Variants in FBXL7 observed in about 807,000 individuals in gnomAD.
FBXL7 encodes F-box and leucine rich repeat protein 7, also known as F-box/LRR-repeat protein 7.
In FBXL7, 12 loss-of-function variants were observed where a neutral mutation model predicts 38.3. That is an observed-to-expected ratio of 0.31 (90% CI 0.20 to 0.51). The LOEUF (loss-of-function observed/expected upper bound fraction) is 0.51, where lower values mean the gene tolerates loss of function less well. FBXL7 is among the 20% of genes least tolerant of loss of function. FBXL7 has a pLI of 0.98. For missense variants in FBXL7, 567 were observed against 676.4 expected (o/e 0.84, Z 1.79); for synonymous variants, 297 against 300.9 (o/e 0.99, Z 0.13).
chr5:15,599,836 A>G (rs1044815714), intron 1 of FBXL7, among the ~76,000 whole-genome samples: 41 of 152,276 alleles, frequency 2.7e-4, no homozygotes, highest in Admixed American at 2.4e-3. Context: ...ATAAATTTGG[A>G]AAGGAGAGCT....
At chr5:15,920,402 A>C (rs1378984447) in intron 2 of FBXL7, among the ~76,000 whole-genome samples, 1 of 152,252 alleles carries the variant, frequency 6.6e-6, no homozygotes, top group Admixed American at 6.5e-5. Flanking sequence ...TCTGTAATGC[A>C]AAAATCTGCA....
At position 15,771,264 on chromosome 5, in the gene FBXL7, T is replaced by C. The variant is rs569590098; in HGVS notation, c.127+155192T>C. ...CTCACCATACATCTTATTGACACTTTCACTCTTCACTTCTCTGATAAATGT... is the reference window on the plus strand; with the variant it reads ...CTCACCATACATCTTATTGACACTTCCACTCTTCACTTCTCTGATAAATGT... On this transcript the variant is annotated intron_variant, in intron 2 of 3. Transcript: ENST00000504595. Among the ~76,000 whole-genome samples the C allele has an allele frequency of 2.0e-5, 3 of 152,316 alleles. No individual in the cohort carries two copies. The South Asian group carries it at 6.2e-4, about 32-fold the overall frequency.
chr5:15,594,893 C>T (rs1183157736), intron 1 of FBXL7, among the ~76,000 whole-genome samples: 1 of 152,210 alleles, frequency 6.6e-6, no homozygotes, highest in African/African-American at 2.4e-5. Context: ...GTTTAGCTGC[C>T]TTGCTATGAT....
At chr5:15,616,133 A>G in intron 2 of FBXL7, 61 bp downstream of exon 2, 1 of 1,215,198 alleles carries the variant, frequency 8.2e-7, no homozygotes, top group Non-Finnish European at 1.2e-6. Context: ...TTTTTGGAAC[A>G]GAAATAAAGT....
At chr5:15,920,541 G>A (rs991683059) in intron 2 of FBXL7, among the ~76,000 whole-genome samples, 2 of 151,494 alleles carry the variant, frequency 1.3e-5, no homozygotes, top group African/African-American at 4.9e-5. Context: ...TTTGTTTTGA[G>A]ACAGAGTCTC....
At chr5:15,528,423 C>T (rs1737313937) in intron 1 of FBXL7, among the ~76,000 whole-genome samples, 1 of 152,134 alleles carries the variant, frequency 6.6e-6, no homozygotes, top group African/African-American at 2.4e-5. Flanking sequence ...TAAAGACATA[C>T]TGGAGACTGG....
At chr5:15,612,421 C>G (rs945156132) in intron 1 of FBXL7, among the ~76,000 whole-genome samples, 1 of 152,176 alleles carries the variant, frequency 6.6e-6, no homozygotes, top group Non-Finnish European at 1.5e-5. Context: ...ACCTTATACT[C>G]TTTCTTCATA....
At chr5:15,683,650 C>T (rs779476904) in intron 2 of FBXL7, among the ~76,000 whole-genome samples, 1 of 152,192 alleles carries the variant, frequency 6.6e-6, no homozygotes, top group Non-Finnish European at 1.5e-5. Context: ...AGCAATGACA[C>T]GTAATGCTCC....
At chr5:15,774,461 A>G (rs1736809987) in intron 2 of FBXL7, among the ~76,000 whole-genome samples, 1 of 152,122 alleles carries the variant, frequency 6.6e-6, no homozygotes, top group Non-Finnish European at 1.5e-5. Flanking sequence ...TATGTTTTAG[A>G]TTGTACTGCC....
chr5:15,855,321 G>A (rs1480388244), intron 2 of FBXL7, among the ~76,000 whole-genome samples: 1 of 152,014 alleles, frequency 6.6e-6, no homozygotes, highest in Non-Finnish European at 1.5e-5. Context: ...TGATGCTGAG[G>A]TGCTTTTACC....
chr5:15,644,432 G>A (rs974836280), intron 2 of FBXL7, among the ~76,000 whole-genome samples: 9 of 151,954 alleles, frequency 5.9e-5, no homozygotes, highest in South Asian at 2.1e-4. Context: ...CCGAGATTGC[G>A]TCACTGCACT....
At chr5:15,565,885 CTACTT>C (rs1407730120) in intron 1 of FBXL7, among the ~76,000 whole-genome samples, 6 of 152,264 alleles carry the variant, frequency 3.9e-5, no homozygotes, top group Middle Eastern at 3.4e-3. Flanking sequence ...GGAGGACAAT[CTACTT>C]TACTCAGTCT....
At chr5:15,716,073 T>C (rs1310844486) in intron 2 of FBXL7, among the ~76,000 whole-genome samples, 1 of 152,246 alleles carries the variant, frequency 6.6e-6, no homozygotes, top group Non-Finnish European at 1.5e-5. Flanking sequence ...TAAGAGTATG[T>C]ACTTCTCATA....
intron 1 of FBXL7, among the ~76,000 whole-genome samples, chr5:15,522,933 T>A (rs1737141584): frequency 6.6e-6 from 1 of 152,242 alleles, no homozygotes; most frequent in South Asian, 2.1e-4. Context: ...TAATTTTAGA[T>A]GTTTCAGACA....
At chr5:15,734,432 A>ATC (rs1437531683) in intron 2 of FBXL7, among the ~76,000 whole-genome samples, 1 of 152,208 alleles carries the variant, frequency 6.6e-6, no homozygotes, top group Non-Finnish European at 1.5e-5. Flanking sequence ...AATTTCTCTG[A>ATC]TCTGTGCCCT....
chr5:15,519,779 A>G (rs1339109420), intron 1 of FBXL7, among the ~76,000 whole-genome samples: 4 of 152,204 alleles, frequency 2.6e-5, no homozygotes, highest in Non-Finnish European at 5.9e-5. Context: ...TGGTAATGGA[A>G]GTAGCACTCT....
Position 15,505,243 on chromosome 5 carries a change from C to T in FBXL7, c.37+4530C>T, listed in dbSNP as rs143940955. 1.4e-4 allele frequency among the ~76,000 whole-genome samples: 21 copies of T among 152,292 alleles called. No homozygotes were observed. The East Asian group carries it at 2.3e-3, about 17-fold the overall frequency. On this transcript the variant is annotated intron_variant, in intron 1 of 3. Transcript: ENST00000504595. Reference sequence around the variant, plus strand: ...GCCATGCAGCGACCCACTTCATCCTCGCAAGGATCTTGTGGGGTAGTTACT... The same window carrying T: ...GCCATGCAGCGACCCACTTCATCCTTGCAAGGATCTTGTGGGGTAGTTACT...
In FBXL7 at chr5:15,936,818, T is replaced by C. The variant is rs753706925; in HGVS notation, c.1108T>C (p.Tyr370His). 1 of 1,613,304 alleles carries C rather than the reference T, an allele frequency of 6.2e-7. No homozygotes were observed. The highest frequency in any genetic ancestry group is 8.5e-7 in the Non-Finnish European group (1 of 1,179,684). Residue 370 changes from tyrosine (Y) to histidine (H), a missense_variant, in exon 4 of 4, where the codon TAC (tyrosine) becomes CAC (histidine). Transcript: ENST00000504595. The surrounding 1 kb of genome is among the most constrained non-coding windows in gnomAD (Gnocchi z 6.0). ...CGRVTDVGIR[Y>H]VAKYCSKLRY... ...CCGGGTCACCGACGTGGGCATCCGCTACGTGGCCAAGTACTGCAGCAAGCT... is the reference window on the plus strand; with the variant it reads ...CCGGGTCACCGACGTGGGCATCCGCCACGTGGCCAAGTACTGCAGCAAGCT...
intron 2 of FBXL7, among the ~76,000 whole-genome samples, chr5:15,689,086 T>G: frequency 6.6e-6 from 1 of 152,156 alleles, no homozygotes; most frequent in Admixed American, 6.5e-5. Context: ...CCCCCTGCCC[T>G]GGCACCTAGC....
Sources: allele counts gnomAD v4.1 joint callset (sites outside exome capture counted in the v4.1 genomes callset), GRCh38; gene constraint gnomAD v4.1.1; non-coding constraint Gnocchi (gnomAD v3.1); transcripts MANE v1.5; gene names NCBI Gene and HGNC (gene_info 2026-07-23, HGNC 2026-07-21).